Variants in NDUFC1 observed in about 807,000 individuals in gnomAD.
NDUFC1 encodes NADH:ubiquinone oxidoreductase subunit C1, also known as NADH dehydrogenase [ubiquinone] 1 subunit C1, mitochondrial.
Under a neutral mutation model 11.6 loss-of-function variants are expected in NDUFC1, and 11 were observed. The observed-to-expected ratio is 0.95, with a 90% CI of 0.60 to 1.58. The LOEUF (loss-of-function observed/expected upper bound fraction) is 1.58, where lower values mean the gene tolerates loss of function less well. Among genes scored for constraint, NDUFC1 ranks in the 40% most tolerant of loss-of-function variants. NDUFC1 has a pLI of 0.00. For synonymous variants in NDUFC1, 52 were observed against 42.2 expected, an observed-to-expected ratio of 1.23 and a Z score of -0.90; for missense variants, 112 against 93.0, an observed-to-expected ratio of 1.20 and a Z score of -0.84.
chr4:139,297,592 T>C (rs574324462), intron 1 of NDUFC1, 149 bp from the exon 2 acceptor site: 2 of 152,328 alleles, frequency 1.3e-5, no homozygotes, highest in South Asian at 4.1e-4. Context: ...AGAGAGGATT[T>C]GAGTTAGCAG....
At chr4:139,301,911 G>A in intron 1 of NDUFC1, 1 of 1,464,488 alleles carries the variant, frequency 6.8e-7, no homozygotes, top group South Asian at 1.3e-5. Flanking sequence ...CGGCCCGGCG[G>A]GCACTGAGCC....
intron 2 of NDUFC1, among the ~76,000 whole-genome samples, chr4:139,297,114 G>A (rs1052053575): frequency 2.0e-5 from 3 of 152,118 alleles, no homozygotes; most frequent in Admixed American, 2.0e-4. Context: ...TTGTTGGTTC[G>A]CCACTTATTG....
At chr4:139,294,898 CG>C in intron 4 of NDUFC1, 144 bp downstream of exon 4, 1 of 562,262 alleles carries the variant, frequency 1.8e-6, no homozygotes, top group Non-Finnish European at 3.2e-6. Context: ...TGGAAAAATA[CG>C]TATCAGCGAT....
chr4:139,292,597 G>T lies in NDUFC1; in HGVS notation c.184C>A (p.His62Asn). Reference protein sequence around the residue: ...VFLWIYLIKQHNEDILEYKRR... With the variant: ...VFLWIYLIKQNNEDILEYKRR... ...TTGTACTCTAAAATATCTTCATTGT[G>T]TTGTTTGATGAGCTACAAAGAGTTA... is the stretch of plus-strand genomic sequence containing the variant. The change falls in exon 5 of 6, where the codon CAC becomes AAC. Residue 62 changes from histidine (H) to asparagine (N), a missense_variant. His to Asn is a moderately conservative substitution (Grantham distance 68). Coordinates refer to ENST00000394223, the MANE Select transcript of NDUFC1 (RefSeq NM_001184989.2). 1 of 1,560,954 alleles carries T rather than the reference G, an allele frequency of 6.4e-7. No individual in the cohort carries two copies. Among genetic ancestry groups the T allele is most frequent in the Non-Finnish European group, 8.8e-7 (1 of 1,141,946 alleles).
At chr4:139,301,487 C>T (rs985714405) in intron 1 of NDUFC1, 5 of 455,490 alleles carry the variant, frequency 1.1e-5, no homozygotes, top group Non-Finnish European at 1.6e-5. Context: ...TGGGAAAACC[C>T]TCCGCGTCCG....
At chr4:139,293,185 T>C (rs1034546087) in intron 4 of NDUFC1, among the ~76,000 whole-genome samples, 1 of 152,160 alleles carries the variant, frequency 6.6e-6, no homozygotes, top group Non-Finnish European at 1.5e-5. Flanking sequence ...CGTAATGAAA[T>C]GGCTTATCAT....
chr4:139,302,074 C>T (rs767135499), intron 1 of NDUFC1: 11 of 409,708 alleles, frequency 2.7e-5, no homozygotes, highest in African/African-American at 1.9e-4. Flanking sequence ...GGACTAGGCC[C>T]CGACCTCCCG....
intron 1 of NDUFC1, chr4:139,301,637 C>A: frequency 1.1e-6 from 1 of 922,500 alleles, no homozygotes; most frequent in Non-Finnish European, 1.6e-6. Flanking sequence ...GGTAGGGCAA[C>A]GCGGCGACAC....
intron 4 of NDUFC1, among the ~76,000 whole-genome samples, chr4:139,294,674 T>C (rs1364977403): frequency 6.6e-6 from 1 of 150,412 alleles, no homozygotes; most frequent in African/African-American, 2.5e-5. Flanking sequence ...GGCAGAGCTT[T>C]CAGTGAGCCG....
At chr4:139,300,273 C>G (rs1266727214) in intron 1 of NDUFC1, among the ~76,000 whole-genome samples, 1 of 152,066 alleles carries the variant, frequency 6.6e-6, no homozygotes, top group Non-Finnish European at 1.5e-5. Flanking sequence ...TATTTATGAC[C>G]CCGGTGAAGG....
intron 5 of NDUFC1, among the ~76,000 whole-genome samples, chr4:139,291,937 C>T (rs1440240054): frequency 2.6e-5 from 4 of 151,586 alleles, no homozygotes; most frequent in African/African-American, 7.3e-5. Context: ...CCCGGGTTCA[C>T]GCCATTCTCC....
At chr4:139,301,693 C>T (rs1314112610) in intron 1 of NDUFC1, 18 of 1,463,570 alleles carry the variant, frequency 1.2e-5, no homozygotes, top group African/African-American at 1.4e-5. Context: ...AAGGCTGAAG[C>T]AGCTACGGAA....
rs1368302828 is a variant in NDUFC1 at position 139,295,896 on chromosome 4, G to A, written c.-98C>T. 2 of 1,250,948 alleles carry A rather than the reference G, an allele frequency of 1.6e-6. No individual in the cohort carries two copies. The highest frequency in any genetic ancestry group is 3.7e-4 in the Middle Eastern group (2 of 5,344). The allele number at this position is 1,250,948 out of a possible 1,614,324, so 77.5% of individuals were successfully genotyped here. ...CTCGAGGGCTCTGCAGCAGAGCTCCGTGGGGGCGTCAACGTGAATTCCAGC... is the reference window on the plus strand; with the variant it reads ...CTCGAGGGCTCTGCAGCAGAGCTCCATGGGGGCGTCAACGTGAATTCCAGC... On this transcript the variant is annotated 5_prime_UTR_variant, in exon 3 of 6. The change creates a new upstream start codon in the 5' untranslated region. Transcript: ENST00000394223.
At chr4:139,301,520 T>G (rs961245866) in intron 1 of NDUFC1, 2 of 494,988 alleles carry the variant, frequency 4.0e-6, no homozygotes, top group Non-Finnish European at 7.2e-6. Flanking sequence ...CCTCTGTCGG[T>G]CTGTTCAGTT....
Position 139,295,854 on chromosome 4 carries a change from C to T in NDUFC1, c.-56G>A. 1.3e-6 allele frequency: 2 copies of T among 1,523,026 alleles called. No individual in the cohort carries two copies. Among genetic ancestry groups the T allele is most frequent in the South Asian group, 1.2e-5 (1 of 82,220 alleles). The allele number at this position is 1,523,026 out of a possible 1,614,324, so 94.3% of individuals were successfully genotyped here. On this transcript the variant is annotated 5_prime_UTR_variant, in exon 3 of 6. Transcript: ENST00000394223. The stretch of plus-strand genomic sequence containing the variant: ...TGGCAACAGAACCAGCGCCACCTGG[C>T]GGCCGGAAGTGCGGGACTCGAGGGC...
At chr4:139,296,828 T>G (rs1007586752) in intron 2 of NDUFC1, among the ~76,000 whole-genome samples, 1 of 152,246 alleles carries the variant, frequency 6.6e-6, no homozygotes. Context: ...CCTTTAAAAC[T>G]AATCCTTTAA....
At chr4:139,298,901 C>T (rs995873052) in intron 1 of NDUFC1, among the ~76,000 whole-genome samples, 2 of 151,946 alleles carry the variant, frequency 1.3e-5, no homozygotes, top group African/African-American at 4.8e-5. Context: ...TCTCAAACTT[C>T]TGGGCTCAAG....
At chr4:139,295,187 C>CT in intron 3 of NDUFC1, 41 bp from the exon 4 acceptor site, 1 of 1,506,848 alleles carries the variant, frequency 6.6e-7, no homozygotes, top group Middle Eastern at 1.7e-4. Flanking sequence ...AACTTACTGC[C>CT]TTGTAGGGAA....
chr4:139,298,157 C>T (rs1440472809), intron 1 of NDUFC1, among the ~76,000 whole-genome samples: 1 of 152,132 alleles, frequency 6.6e-6, no homozygotes, highest in Non-Finnish European at 1.5e-5. Context: ...TAAGACTCAG[C>T]AGCTGGGCGC....
Sources: allele counts gnomAD v4.1 joint callset (sites outside exome capture counted in the v4.1 genomes callset), GRCh38; gene constraint gnomAD v4.1.1; transcripts MANE v1.5; gene names NCBI Gene and HGNC (gene_info 2026-07-23, HGNC 2026-07-21).